The following ZNF469 variants were observed in gnomAD, a reference collection of about 807,000 sequenced individuals.
ZNF469 encodes the protein zinc finger protein 469.
In ZNF469, 1 loss-of-function variant was observed where a neutral mutation model predicts 1.0. The ratio of observed to expected loss-of-function variants is 1.00; its 90% CI spans 0.35 to 4.73. ZNF469 has a LOEUF of 4.73. Ranked by LOEUF, ZNF469 falls within the 30% of genes most tolerant of loss-of-function variation. ZNF469 has a pLI of 0.16. For synonymous variants in ZNF469, 2,703 were observed against 2,363.4 expected, an observed-to-expected ratio of 1.14 and a Z score of -4.17; for missense variants, 6,100 against 5,356.3, an observed-to-expected ratio of 1.14 and a Z score of -4.33.
At chr16:88,195,799 G>A in the ZNF469 span, among the ~76,000 whole-genome samples, 1 of 152,196 alleles carries the variant, frequency 6.6e-6, no homozygotes, top group African/African-American at 2.4e-5. Flanking sequence ...CCCCCACCCT[G>A]AGCTGTCTCC....
At position 88,430,476 on chromosome 16, in the gene ZNF469, C is replaced by T. The variant is rs1381428316; in HGVS notation, c.3006C>T (p.Pro1002=). Residue 1002 remains proline, a synonymous_variant, in exon 3 of 3, where the codon CCC becomes CCT. Transcript: ENST00000565624. ...PRPRRPRTQA[P]GSRADPAPRV... ...CCCGGCGCCCTAGAACGCAGGCCCC[C>T]GGGAGCCGCGCAGACCCCGCGCCCC... is the stretch of plus-strand genomic sequence containing the variant. 6.9e-6 allele frequency: 10 copies of T among 1,444,052 alleles called. No individual in the cohort carries two copies. Among genetic ancestry groups the T allele is most frequent in the Admixed American group, 2.7e-5 (1 of 36,408 alleles). 89.5% of individuals were successfully genotyped at this position (1,444,052 alleles called of 1,614,324 possible). A position where few individuals can be genotyped will look rare whatever the true frequency, so the allele number is the denominator to read the frequency against.
the ZNF469 span, among the ~76,000 whole-genome samples, chr16:88,153,112 G>A: frequency 6.6e-6 from 1 of 152,326 alleles, no homozygotes; most frequent in South Asian, 2.1e-4. Flanking sequence ...AGGTTGGCGG[G>A]GCCGGGGGTG....
Position 88,413,644 on chromosome 16 carries a change from G to C in ZNF469, c.-191-11163G>C, listed in dbSNP as rs573141889. On this transcript the variant is annotated intron_variant, in intron 1 of 2. Coordinates refer to ENST00000565624, the MANE Select transcript of ZNF469 (RefSeq NM_001367624.2). ...GCAGCGTTATAGCAAGGTTCAGTCAGTCCCGCCATTGCCTCTAGCTGGGCG... is the reference window on the plus strand; with the variant it reads ...GCAGCGTTATAGCAAGGTTCAGTCACTCCCGCCATTGCCTCTAGCTGGGCG... Among the ~76,000 whole-genome samples, 10 of 152,354 alleles carry C rather than the reference G, an allele frequency of 6.6e-5. No individual in the cohort carries two copies. The South Asian group carries it at 1.4e-3, about 22-fold the overall frequency.
In ZNF469 at chr16:88,435,709, C is replaced by G. The variant is rs1360423012; in HGVS notation, c.8239C>G (p.Gln2747Glu). The change falls in exon 3 of 3, where the codon CAG (glutamine) becomes GAG (glutamate). Residue 2747 changes from glutamine to glutamate, a missense_variant. By Grantham distance (29) the Gln-to-Glu change is conservative. Transcript: ENST00000565624. ...GAALGEQPTGQKGASARGFWG... is the reference protein window; with the variant it reads ...GAALGEQPTGEKGASARGFWG... ...AGCTCTGGGGGAACAGCCAACTGGG[C>G]AGAAGGGAGCCTCGGCAAGGGGGTT... 1 of 1,550,636 alleles carries G rather than the reference C, an allele frequency of 6.4e-7. No homozygotes were observed. The highest frequency in any genetic ancestry group is 1.4e-5 in the African/African-American group (1 of 73,048).
chr16:88,225,106 G>T, the ZNF469 span, among the ~76,000 whole-genome samples: 2 of 152,242 alleles, frequency 1.3e-5, no homozygotes, highest in African/African-American at 4.8e-5. Flanking sequence ...GGCGCCTGGC[G>T]CAGGGATCAC....
At chr16:88,228,828 C>G in the ZNF469 span, among the ~76,000 whole-genome samples, 1 of 152,258 alleles carries the variant, frequency 6.6e-6, no homozygotes, top group South Asian at 2.1e-4. Context: ...TCATAAATGG[C>G]TTTTATTTTT....
the ZNF469 span, among the ~76,000 whole-genome samples, chr16:88,232,072 G>T: frequency 6.6e-6 from 1 of 152,124 alleles, no homozygotes; most frequent in African/African-American, 2.4e-5. Context: ...AAGGCAGGGC[G>T]GGCGCGAGGA....
At chr16:88,349,671 C>T in the ZNF469 span, among the ~76,000 whole-genome samples, 1 of 84,640 alleles carries the variant, frequency 1.2e-5, no homozygotes, top group Admixed American at 1.3e-4. Context: ...CACACTGCAC[C>T]CAAGTGCACA....
At chr16:88,245,120 G>A in the ZNF469 span, among the ~76,000 whole-genome samples, 1 of 152,162 alleles carries the variant, frequency 6.6e-6, no homozygotes, top group Non-Finnish European at 1.5e-5. Context: ...CAAGGGTCAT[G>A]TTGCTATGAG....
the ZNF469 span, among the ~76,000 whole-genome samples, chr16:88,124,606 T>C: frequency 6.6e-6 from 1 of 151,068 alleles, no homozygotes; most frequent in Non-Finnish European, 1.5e-5. Context: ...TTTTTTGAGA[T>C]GGAGTTTTGC....
At chr16:88,419,190 G>C (rs977306484) in intron 1 of ZNF469, among the ~76,000 whole-genome samples, 11 of 152,372 alleles carry the variant, frequency 7.2e-5, no homozygotes, top group African/African-American at 2.6e-4. Flanking sequence ...ATCGGGGAGA[G>C]GCTAGCTGGC....
At chr16:88,420,869 G>T (rs1475849896) in intron 1 of ZNF469, among the ~76,000 whole-genome samples, 1 of 152,226 alleles carries the variant, frequency 6.6e-6, no homozygotes, top group African/African-American at 2.4e-5. Flanking sequence ...AGGAGTGCGG[G>T]ATCTGAGAGT....
At chr16:88,155,795 G>C in the ZNF469 span, among the ~76,000 whole-genome samples, 4 of 152,224 alleles carry the variant, frequency 2.6e-5, no homozygotes, top group African/African-American at 9.7e-5. Flanking sequence ...ATCGGCTTTT[G>C]GTTCTTGGGT....
At chr16:88,328,410 G>A in the ZNF469 span, among the ~76,000 whole-genome samples, 2 of 152,196 alleles carry the variant, frequency 1.3e-5, no homozygotes, top group East Asian at 3.9e-4. Flanking sequence ...CCTCCAGGGA[G>A]GTTCCCCAGG....
At position 88,438,668 on chromosome 16, in the gene ZNF469, A is replaced by G; in HGVS notation, c.11198A>G (p.Gln3733Arg). Residue 3733 changes from glutamine (Q) to arginine (R), a missense_variant, in exon 3 of 3, where the codon CAG (glutamine) becomes CGG (arginine). Transcript: ENST00000565624. ...AAAGCCAAACCCGGCCCCAGCTCCC[A>G]GGGCAGTGGAAGCCCTCGCCCCGGC... ...TPKAKPGPSS[Q>R]GSGSPRPGTK... 6.5e-7 allele frequency: 1 copy of G among 1,550,048 alleles called. No individual in the cohort carries two copies. Among genetic ancestry groups the G allele is most frequent in the South Asian group, 1.2e-5 (1 of 84,044 alleles).
the ZNF469 span, among the ~76,000 whole-genome samples, chr16:88,285,062 G>A: frequency 2.6e-5 from 4 of 152,260 alleles, no homozygotes; most frequent in Non-Finnish European, 5.9e-5. Context: ...AGGGGGAGGC[G>A]CATTGCCCAT....
At chr16:88,190,405 C>T in the ZNF469 span, among the ~76,000 whole-genome samples, 7 of 152,288 alleles carry the variant, frequency 4.6e-5, no homozygotes, top group African/African-American at 9.6e-5. Flanking sequence ...CAGGCACTCA[C>T]CCTCTTAACT....
At chr16:88,227,038 G>A in the ZNF469 span, among the ~76,000 whole-genome samples, 1 of 142,868 alleles carries the variant, frequency 7.0e-6, no homozygotes, top group Non-Finnish European at 1.5e-5. Flanking sequence ...GTTTCCACCC[G>A]TGCCTCCTCC....
At chr16:88,114,308 C>T in the ZNF469 span, among the ~76,000 whole-genome samples, 75 of 85,358 alleles carry the variant, frequency 8.8e-4, no homozygotes, top group African/African-American at 3.3e-3. Context: ...CGGGGGTCTT[C>T]GGGGGGAATG....
Sources: allele counts gnomAD v4.1 joint callset (sites outside exome capture counted in the v4.1 genomes callset), GRCh38; gene constraint gnomAD v4.1.1; transcripts MANE v1.5; gene names NCBI Gene and HGNC (gene_info 2026-07-23, HGNC 2026-07-21).